Variants in ANKRD13C observed in about 807,000 individuals in gnomAD.
The protein encoded by ANKRD13C is ankyrin repeat domain 13C, also known as ankyrin repeat domain-containing protein 13C.
Under a neutral mutation model 65.5 loss-of-function variants are expected in ANKRD13C, and 16 were observed. That is an observed-to-expected ratio of 0.24 (90% CI 0.17 to 0.37). The LOEUF is 0.37. Among genes scored for constraint, ANKRD13C ranks in the 10% least tolerant of loss-of-function variants. The probability of loss-of-function intolerance (pLI) is 1.00; values close to 1 mark genes in which losing one functional copy is unlikely to be tolerated. For missense variants in ANKRD13C, 503 were observed against 655.9 expected, an observed-to-expected ratio of 0.77 and a Z score of 2.55; for synonymous variants, 235 against 238.7, an observed-to-expected ratio of 0.98 and a Z score of 0.14.
rs1490288184 is a variant in ANKRD13C, at chr1:70,270,996, A to G, written c.1395-40T>C. On this transcript the variant is annotated intron_variant, in intron 11 of 12. Transcript: ENST00000370944. The stretch of plus-strand genomic sequence containing the variant: ...AAGAAAAAAATGTTTTCATTGTTCA[A>G]ATTGCCTTGTGTCCTTATGCTTTTC... 8 of 1,325,486 alleles carry G rather than the reference A, an allele frequency of 6.0e-6. No individual in the cohort carries two copies. In the Middle Eastern group the frequency reaches 7.7e-4, roughly 128 times the overall value. 82.1% of individuals were successfully genotyped at this position (1,325,486 alleles called of 1,614,324 possible). A position where few individuals can be genotyped will look rare whatever the true frequency, so the allele number is the denominator to read the frequency against.
At position 70,295,467 on chromosome 1, in the gene ANKRD13C, C is replaced by T. The variant is rs536444931; in HGVS notation, c.1053+663G>A. Among the ~76,000 whole-genome samples the T allele has an allele frequency of 5.7e-3, 863 of 152,116 alleles. 9 individuals are homozygous for T. The highest frequency in any genetic ancestry group is 0.024 in the Middle Eastern group (7 of 294). Reference sequence around the variant, plus strand: ...TTCACCGTGTTGGCCAGGCTGGTCTCGAACTCCTGACCTCGTGATCCGCCG... The same window carrying T: ...TTCACCGTGTTGGCCAGGCTGGTCTTGAACTCCTGACCTCGTGATCCGCCG... On this transcript the variant is annotated intron_variant, in intron 8 of 12. Coordinates refer to ENST00000370944, the MANE Select transcript of ANKRD13C (RefSeq NM_030816.5).
chr1:70,293,619 T>C (rs1679953703), intron 8 of ANKRD13C: 12 of 937,098 alleles, frequency 1.3e-5, no homozygotes, highest in Non-Finnish European at 1.5e-5. Flanking sequence ...ATCCATCTAA[T>C]GCTGCCCAGA....
At chr1:70,327,533 C>T (rs574157832) in intron 2 of ANKRD13C, among the ~76,000 whole-genome samples, 7 of 152,254 alleles carry the variant, frequency 4.6e-5, no homozygotes, top group African/African-American at 1.7e-4. Flanking sequence ...TCACTCTCAA[C>T]TGGGTCATGT....
intron 2 of ANKRD13C, among the ~76,000 whole-genome samples, chr1:70,327,108 T>C (rs1402292235): frequency 6.6e-6 from 1 of 152,128 alleles, no homozygotes; most frequent in East Asian, 1.9e-4. Context: ...AACCAAAGTA[T>C]TGTCCCAAGA....
intron 6 of ANKRD13C, among the ~76,000 whole-genome samples, chr1:70,304,500 G>A (rs1391761820): frequency 6.6e-6 from 1 of 151,864 alleles, no homozygotes; most frequent in Non-Finnish European, 1.5e-5. Context: ...GGGGTCAGGT[G>A]ATTCTCCCAC....
At chr1:70,287,609 T>C (rs1262107908) in intron 9 of ANKRD13C, among the ~76,000 whole-genome samples, 6 of 152,202 alleles carry the variant, frequency 3.9e-5, no homozygotes, top group Admixed American at 2.6e-4. Context: ...GATAAACTTT[T>C]TTTCAATGAA....
chr1:70,280,080 C>T (rs1029726323), intron 9 of ANKRD13C, among the ~76,000 whole-genome samples: 5 of 151,984 alleles, frequency 3.3e-5, no homozygotes, highest in South Asian at 4.1e-4. Flanking sequence ...GAGTAGCAGC[C>T]GAGGGATGTG....
chr1:70,270,908 C>T lies in ANKRD13C; in HGVS notation c.1443G>A (p.Lys481=), dbSNP rs769432313. 16 of 1,613,392 alleles carry T rather than the reference C, an allele frequency of 9.9e-6. No homozygotes were observed. The highest frequency in any genetic ancestry group is 1.1e-5 in the Non-Finnish European group (13 of 1,179,644). Residue 481 remains lysine (K), a synonymous_variant, in exon 12 of 13, where the codon AAG becomes AAA. Coordinates refer to ENST00000370944, the MANE Select transcript of ANKRD13C (RefSeq NM_030816.5). ...GCTTCATCTGAACAAATTCTCTAAG[C>T]TTGTTAAAGTGCTTGAAGGGAGCTA... ...EVVAPFKHFN[K]LREFVQMKLP...
chr1:70,340,878 C>T (rs1026239869), intron 1 of ANKRD13C, among the ~76,000 whole-genome samples: 2 of 151,986 alleles, frequency 1.3e-5, no homozygotes, highest in East Asian at 1.9e-4. Context: ...TTTTGGAGGC[C>T]GAGGCAGATG....
chr1:70,312,868 G>A (rs1180266415), intron 5 of ANKRD13C, among the ~76,000 whole-genome samples: 2 of 97,238 alleles, frequency 2.1e-5, no homozygotes, highest in African/African-American at 7.5e-5. Flanking sequence ...TGTTTAAAAT[G>A]AGGAGAAAAA....
In ANKRD13C at chr1:70,267,712, CTTAGG is replaced by C. The variant is rs529792819; in HGVS notation, c.1495+3139_1495+3143del. On this transcript the variant is annotated intron_variant, in intron 12 of 12. Coordinates refer to ENST00000370944, the MANE Select transcript of ANKRD13C (RefSeq NM_030816.5). ...TCTCTGTTTTCTTTTTCTTGCCATC[CTTAGG>C]TTACCTATTTTTTAGAATTTCATTT... is the stretch of plus-strand genomic sequence containing the variant. Among the ~76,000 whole-genome samples, 10 of 152,114 alleles carry C rather than the reference CTTAGG, an allele frequency of 6.6e-5. 1 individual carries two copies. The South Asian group carries it at 2.1e-3, about 32-fold the overall frequency.
rs547814323 is a variant in ANKRD13C, at chr1:70,337,133, C to T, written c.431-1034G>A. Among the ~76,000 whole-genome samples, 82 of 145,144 alleles carry T rather than the reference C, an allele frequency of 5.6e-4. 1 individual carries two copies. The highest frequency in any genetic ancestry group is 2.0e-3 in the African/African-American group (78 of 38,672). On this transcript the variant is annotated intron_variant, in intron 1 of 12. Transcript: ENST00000370944. Reference sequence around the variant, plus strand: ...TTCCAGTCTCAGCTTGACAAGAGATCGGCCATGATTCAAACACACACACAC... The same window carrying T: ...TTCCAGTCTCAGCTTGACAAGAGATTGGCCATGATTCAAACACACACACAC...
At chr1:70,263,364 T>C (rs1678469879) in intron 12 of ANKRD13C, among the ~76,000 whole-genome samples, 1 of 152,122 alleles carries the variant, frequency 6.6e-6, no homozygotes, top group South Asian at 2.1e-4. Flanking sequence ...AATGGAAAAA[T>C]ATCATACCAC....
chr1:70,330,915 A>G (rs902129645), intron 2 of ANKRD13C, among the ~76,000 whole-genome samples: 6 of 152,136 alleles, frequency 3.9e-5, no homozygotes, highest in Non-Finnish European at 2.9e-5. Flanking sequence ...AATATTCTTC[A>G]TTTCCATCCA....
chr1:70,314,774 G>C (rs1352334453), intron 4 of ANKRD13C, among the ~76,000 whole-genome samples: 2 of 146,904 alleles, frequency 1.4e-5, no homozygotes, highest in South Asian at 2.1e-4. Flanking sequence ...ACAGAGACAA[G>C]CTATCATCAT....
chr1:70,274,969 A>AT, intron 10 of ANKRD13C, 151 bp from the exon 11 acceptor site: 3 of 546,702 alleles, frequency 5.5e-6, no homozygotes, highest in Non-Finnish European at 9.7e-6. Context: ...AGGGAATAAG[A>AT]TATGTATAAG....
intron 8 of ANKRD13C, among the ~76,000 whole-genome samples, chr1:70,294,209 A>G (rs561421025): frequency 2.1e-4 from 32 of 152,338 alleles, no homozygotes; most frequent in African/African-American, 7.7e-4. Flanking sequence ...ACAAAAGGCT[A>G]CCTATTATTA....
At chr1:70,332,137 T>C (rs1448038179) in intron 2 of ANKRD13C, among the ~76,000 whole-genome samples, 1 of 152,176 alleles carries the variant, frequency 6.6e-6, no homozygotes, top group Non-Finnish European at 1.5e-5. Flanking sequence ...TCTAACCAAG[T>C]GTTTCCCAAA....
chr1:70,321,240 G>A (rs548721431), intron 3 of ANKRD13C, among the ~76,000 whole-genome samples: 2 of 152,198 alleles, frequency 1.3e-5, no homozygotes, highest in Non-Finnish European at 2.9e-5. Flanking sequence ...ACAGAGTAGG[G>A]AACACATACT....
Sources: allele counts gnomAD v4.1 joint callset (sites outside exome capture counted in the v4.1 genomes callset), GRCh38; gene constraint gnomAD v4.1.1; transcripts MANE v1.5; gene names NCBI Gene and HGNC (gene_info 2026-07-23, HGNC 2026-07-21).